The following DNAH14 variants were observed in gnomAD, a reference collection of about 807,000 sequenced individuals.
DNAH14 encodes axonemal beta dynein heavy chain 14.
DNAH14 carries 478 observed loss-of-function variants against 520.9 expected under a neutral mutation model. The observed-to-expected ratio is 0.92, with a 90% confidence interval of 0.85 to 0.99. The LOEUF is 0.99. Ranked by LOEUF, DNAH14 falls within the 50% of genes least tolerant of loss-of-function variation. The pLI is 0.00. For synonymous variants in DNAH14, 1,581 were observed against 1,757.2 expected (o/e 0.90, Z 2.51); for missense variants, 4,831 against 5,234.5 (o/e 0.92, Z 2.38).
chr1:225,249,042 T>C (rs575372053), intron 43 of DNAH14, among the ~76,000 whole-genome samples: 1 of 152,296 alleles, frequency 6.6e-6, no homozygotes, highest in South Asian at 2.1e-4. Context: ...TCACCTTAAT[T>C]TCCTGACCTG....
intron 22 of DNAH14, among the ~76,000 whole-genome samples, chr1:225,098,468 A>C (rs1373711902): frequency 6.6e-6 from 1 of 152,242 alleles, no homozygotes; most frequent in African/African-American, 2.4e-5. Context: ...TGTATTTGAA[A>C]GGCCTATTAT....
intron 62 of DNAH14, among the ~76,000 whole-genome samples, chr1:225,323,961 G>A (rs938715843): frequency 4.6e-5 from 7 of 151,856 alleles, no homozygotes; most frequent in African/African-American, 1.7e-4. Context: ...GATTACAGGC[G>A]TGTGCCACCA....
chr1:225,003,039 T>G, intron 9 of DNAH14, 112 bp downstream of exon 9: 1 of 944,264 alleles, frequency 1.1e-6, no homozygotes, highest in Non-Finnish European at 1.5e-6. Flanking sequence ...AAACCATCTC[T>G]TTCGATTACT....
chr1:224,952,827 C>A, intron 2 of DNAH14, 48 bp downstream of exon 2: 1 of 1,413,422 alleles, frequency 7.1e-7, no homozygotes, highest in Non-Finnish European at 9.6e-7. Flanking sequence ...AGTAAGATTT[C>A]AGCAGTGTAT....
At chr1:225,254,110 C>A (rs2149720678) in intron 44 of DNAH14, among the ~76,000 whole-genome samples, 1 of 151,556 alleles carries the variant, frequency 6.6e-6, no homozygotes, top group South Asian at 2.1e-4. Flanking sequence ...GGTGGTGAAA[C>A]CTAAAGCAAC....
In DNAH14 at chr1:225,362,048, A is replaced by G. The variant is rs1363784626; in HGVS notation, c.11987+1157A>G. Among the ~76,000 whole-genome samples the G allele has an allele frequency of 2.6e-5, 4 of 152,224 alleles. 1 individual carries two copies. The highest frequency in any genetic ancestry group is 5.9e-5 in the Non-Finnish European group (4 of 68,036). ...AAAAACTATTTATAGGGCATCTGCT[A>G]TTTGTCAAGTATTGTGCTAGGCACA... On this transcript the variant is annotated intron_variant, in intron 75 of 85. Transcript: ENST00000682510.
chr1:225,355,569 G>A (rs1212265814), intron 73 of DNAH14, among the ~76,000 whole-genome samples: 1 of 152,042 alleles, frequency 6.6e-6, no homozygotes, highest in African/African-American at 2.4e-5. Context: ...TGGAGATTAG[G>A]TTTCACCATA....
intron 1 of DNAH14, among the ~76,000 whole-genome samples, chr1:224,940,453 ATC>A: frequency 6.6e-6 from 1 of 152,156 alleles, no homozygotes; most frequent in African/African-American, 2.4e-5. Flanking sequence ...TTTTGTAAAT[ATC>A]TCACAGTATG....
intron 60 of DNAH14, among the ~76,000 whole-genome samples, chr1:225,316,698 C>T (rs1279157655): frequency 1.3e-5 from 2 of 152,108 alleles, no homozygotes; most frequent in African/African-American, 2.4e-5. Flanking sequence ...TCTAACCAGT[C>T]CCAATGAGAT....
intron 17 of DNAH14, among the ~76,000 whole-genome samples, chr1:225,065,116 G>A (rs1000400537): frequency 2.6e-5 from 4 of 151,860 alleles, no homozygotes; most frequent in African/African-American, 9.7e-5. Flanking sequence ...TTTTTGAAAA[G>A]TTTTATTGCA....
At chr1:225,335,360 CACGTGT>C (rs2094932973) in intron 66 of DNAH14, among the ~76,000 whole-genome samples, 3 of 65,022 alleles carry the variant, frequency 4.6e-5, no homozygotes, top group African/African-American at 2.3e-4. Flanking sequence ...TATGCATATA[CACGTGT>C]ACATGTGTGT....
chr1:224,977,181 C>G (rs2061915710), intron 8 of DNAH14, among the ~76,000 whole-genome samples: 1 of 152,092 alleles, frequency 6.6e-6, no homozygotes, highest in Non-Finnish European at 1.5e-5. Flanking sequence ...AGTTCATGTC[C>G]TTTGTAAGGA....
chr1:225,225,865 C>G (rs937150186), intron 41 of DNAH14, among the ~76,000 whole-genome samples: 1 of 152,216 alleles, frequency 6.6e-6, no homozygotes, highest in Middle Eastern at 3.4e-3. Flanking sequence ...TGCTAGGACC[C>G]AACCCAGTAC....
chr1:225,272,489 T>C (rs1558226014), intron 51 of DNAH14, among the ~76,000 whole-genome samples: 1 of 152,228 alleles, frequency 6.6e-6, no homozygotes, highest in Non-Finnish European at 1.5e-5. Context: ...AAAATTGAAA[T>C]GTTAAGAAAA....
chr1:225,182,014 C>T (rs970275069), intron 36 of DNAH14, among the ~76,000 whole-genome samples: 4 of 151,968 alleles, frequency 2.6e-5, no homozygotes, highest in Non-Finnish European at 5.9e-5. Context: ...TGGTGAAACC[C>T]TGTCTTTACT....
intron 41 of DNAH14, among the ~76,000 whole-genome samples, chr1:225,228,704 G>C (rs753560871): frequency 6.6e-6 from 1 of 152,080 alleles, no homozygotes; most frequent in East Asian, 1.9e-4. Context: ...GCTGGAATAC[G>C]AGTTATAACC....
chr1:225,203,746 A>G (rs2087168335), intron 38 of DNAH14, among the ~76,000 whole-genome samples: 2 of 152,216 alleles, frequency 1.3e-5, no homozygotes, highest in South Asian at 4.1e-4. Context: ...AGAATCTCCA[A>G]GGATGAGGTG....
At chr1:225,144,340 A>G in intron 28 of DNAH14, 57 bp from the exon 29 acceptor site, 1 of 1,286,762 alleles carries the variant, frequency 7.8e-7, no homozygotes, top group South Asian at 1.4e-5. Context: ...TCTGCATGTG[A>G]AAATACATAA....
intron 54 of DNAH14, among the ~76,000 whole-genome samples, chr1:225,286,873 T>C (rs1227113036): frequency 6.6e-6 from 1 of 152,138 alleles, no homozygotes; most frequent in Non-Finnish European, 1.5e-5. Flanking sequence ...AGTAGTACAT[T>C]GATACAATGG....
Sources: gnomAD v4.1 joint callset for allele counts (sites outside exome capture counted in the v4.1 genomes callset) on GRCh38, gnomAD v4.1.1 for gene constraint, MANE v1.5 for transcripts, NCBI Gene and HGNC (gene_info 2026-07-23, HGNC 2026-07-21) for gene names.